DYSF: variants seen among roughly 807,000 people sequenced by gnomAD.
The protein encoded by DYSF is dysferlin, also known as dystrophy-associated fer-1-like 1.
Under a neutral mutation model 274.9 loss-of-function variants are expected in DYSF, and 212 were observed. That is an observed-to-expected ratio of 0.77 (90% CI 0.69 to 0.86). The LOEUF (loss-of-function observed/expected upper bound fraction) is 0.86, where lower values mean the gene tolerates loss of function less well. DYSF is among the 40% of genes least tolerant of loss of function. The probability of loss-of-function intolerance (pLI) is 0.00; values close to 1 mark genes in which losing one functional copy is unlikely to be tolerated. For missense variants in DYSF, 2,666 were observed against 2,783.2 expected (o/e 0.96, Z 0.95); for synonymous variants, 1,091 against 1,078.7 (o/e 1.01, Z -0.22).
At chr2:71,575,725 A>G (rs1207332652) in intron 30 of DYSF, among the ~76,000 whole-genome samples, 1 of 152,122 alleles carries the variant, frequency 6.6e-6, no homozygotes, top group Non-Finnish European at 1.5e-5. Flanking sequence ...CACCCTGTGT[A>G]ATCAGGATCT....
chr2:71,681,777 G>A (rs1246102368), intron 54 of DYSF, among the ~76,000 whole-genome samples: 18 of 152,196 alleles, frequency 1.2e-4, no homozygotes, highest in Non-Finnish European at 1.5e-5. Context: ...GCTGGATCCC[G>A]CCCCACCAGC....
At chr2:71,457,490 G>T (rs2081116128) in intron 1 of DYSF, among the ~76,000 whole-genome samples, 1 of 152,190 alleles carries the variant, frequency 6.6e-6, no homozygotes, top group South Asian at 2.1e-4. Flanking sequence ...AGCAAGAAAA[G>T]GTGGAGGGGC....
chr2:71,667,389 C>G lies in DYSF; in HGVS notation c.5331C>G (p.Ile1777Met). Residue 1777 changes from isoleucine (I) to methionine (M), a missense_variant, in exon 48 of 56, where the codon ATC becomes ATG. Physicochemically the swap from Ile to Met is conservative, Grantham distance 10. Coordinates refer to ENST00000410020, the MANE Select transcript of DYSF (RefSeq NM_001130987.2). Reference sequence around the variant, plus strand: ...TCTCTGGGGCAGAGGCTGGCAGGATCCCAAACCCACACCTGGGCCCAGTGG... The same window carrying G: ...TCTCTGGGGCAGAGGCTGGCAGGATGCCAAACCCACACCTGGGCCCAGTGG... ...YSIEEIEAGR[I>M]PNPHLGPVEE... 6.2e-7 allele frequency: 1 copy of G among 1,614,112 alleles called. No individual in the cohort carries two copies. The highest frequency in any genetic ancestry group is 8.5e-7 in the Non-Finnish European group (1 of 1,180,032).
chr2:71,683,738 C>T (rs986714981), intron 55 of DYSF, among the ~76,000 whole-genome samples: 5 of 152,230 alleles, frequency 3.3e-5, no homozygotes, highest in Non-Finnish European at 5.9e-5. Context: ...GCCACTGGCC[C>T]AGAGCATTGA....
At position 71,466,786 on chromosome 2, in the gene DYSF, C is replaced by T. The variant is rs983378806; in HGVS notation, c.-57C>T. 3 of 1,451,112 alleles carry T rather than the reference C, an allele frequency of 2.1e-6. No individual in the cohort carries two copies. Among genetic ancestry groups the T allele is most frequent in the African/African-American group, 1.5e-5 (1 of 68,910 alleles). The allele number at this position is 1,451,112 out of a possible 1,614,324, so 89.9% of individuals were successfully genotyped here. A position where few individuals can be genotyped will look rare whatever the true frequency, so the allele number is the denominator to read the frequency against. On this transcript the variant is annotated 5_prime_UTR_variant, in exon 1 of 56. Transcript: ENST00000410020. The stretch of plus-strand genomic sequence containing the variant: ...CGCTTGCTGGGTGGGTGCTCGGGCC[C>T]GGTGCTCCCGCTCCCGCCCTGACTG...
At position 71,570,277 on chromosome 2, in the gene DYSF, T is replaced by C. The variant is rs750028300; in HGVS notation, c.3028T>C (p.Trp1010Arg). 1.9e-6 allele frequency: 3 copies of C among 1,614,162 alleles called. No individual in the cohort carries two copies. In the East Asian group the frequency reaches 6.7e-5, roughly 36 times the overall value. Residue 1010 changes from tryptophan (W) to arginine (R), a missense_variant, in exon 28 of 56, where the codon TGG becomes CGG. Coordinates refer to ENST00000410020, the MANE Select transcript of DYSF (RefSeq NM_001130987.2). ...GGATGACATTGAGTGCCCACTGGGCTGGAAGTGGGAAGATGAGGAATGGTC... is the reference window on the plus strand; with the variant it reads ...GGATGACATTGAGTGCCCACTGGGCCGGAAGTGGGAAGATGAGGAATGGTC... ...PKDDIECPLG[W>R]KWEDEEWSTD...
intron 45 of DYSF, among the ~76,000 whole-genome samples, chr2:71,662,545 GTGTGTATATA>G (rs2152946596): frequency 6.6e-6 from 1 of 151,926 alleles, no homozygotes; most frequent in Admixed American, 6.6e-5. Context: ...TCTGTGTGGT[GTGTGTATATA>G]TGTGTGCATG....
At chr2:71,549,510 C>G (rs1010613287) in intron 17 of DYSF, 1 of 989,642 alleles carries the variant, frequency 1.0e-6, no homozygotes, top group African/African-American at 1.6e-5. Flanking sequence ...TGAGATTCCC[C>G]CACAAAGGTA....
chr2:71,503,202 C>T lies in DYSF; in HGVS notation c.240-12C>T. 1 of 1,613,456 alleles carries T rather than the reference C, an allele frequency of 6.2e-7. No individual in the cohort carries two copies. The highest frequency in any genetic ancestry group is 1.1e-5 in the South Asian group (1 of 91,072). On this transcript the variant is annotated splice_polypyrimidine_tract_variant and intron_variant, in intron 3 of 55. Transcript: ENST00000410020. The stretch of plus-strand genomic sequence containing the variant: ...GGCTAGTTTTCTACATTTGACTTCT[C>T]TCTCCTCTCAGGTTCCTGGGGGAAG...
At chr2:71,620,078 C>T (rs2152894101) in intron 40 of DYSF, among the ~76,000 whole-genome samples, 1 of 152,294 alleles carries the variant, frequency 6.6e-6, no homozygotes, top group African/African-American at 2.4e-5. Flanking sequence ...GGAGGGAAGA[C>T]TGAGTAACCT....
intron 53 of DYSF, 33 bp downstream of exon 53, chr2:71,679,268 C>T: frequency 1.3e-6 from 2 of 1,598,248 alleles, no homozygotes; most frequent in Non-Finnish European, 1.7e-6. Flanking sequence ...CAGTGGAGGG[C>T]ATGGGGGAAG....
At chr2:71,650,017 G>A (rs372202001) in intron 42 of DYSF, among the ~76,000 whole-genome samples, 14 of 152,260 alleles carry the variant, frequency 9.2e-5, no homozygotes, top group African/African-American at 2.9e-4. Context: ...ATGCTAAATG[G>A]TACAATTCCA....
At chr2:71,639,571 C>T (rs1280015105) in intron 41 of DYSF, among the ~76,000 whole-genome samples, 10 of 152,106 alleles carry the variant, frequency 6.6e-5, no homozygotes, top group Admixed American at 6.5e-4. Flanking sequence ...TTTCCAGCAT[C>T]ACTTTTTAGG....
rs1487749145 is a variant in DYSF at position 71,569,833 on chromosome 2, A to G, written c.2878A>G (p.Met960Val). The G allele has an allele frequency of 1.9e-6, 3 of 1,613,958 alleles. No homozygotes were observed. Among genetic ancestry groups the G allele is most frequent in the East Asian group, 2.2e-5 (1 of 44,876 alleles). Residue 960 changes from methionine to valine, a missense_variant, in exon 27 of 56, where the codon ATG becomes GTG. By Grantham distance (21) the Met-to-Val change is conservative. This residue lies in a region of DYSF where 412 missense variants were observed against 504.0 expected (regional missense o/e 0.82). Coordinates refer to ENST00000410020, the MANE Select transcript of DYSF (RefSeq NM_001130987.2). The stretch of plus-strand genomic sequence containing the variant: ...CCTCCTCCACAGTCTGCTCCATGAC[A>G]TGGACGCCGGTCACCTGAGCTTCGT... ...VCPEKTLLHDMDAGHLSFVEE... is the reference protein window; with the variant it reads ...VCPEKTLLHDVDAGHLSFVEE...
intron 42 of DYSF, among the ~76,000 whole-genome samples, chr2:71,650,924 A>G (rs2152931090): frequency 6.6e-6 from 1 of 152,312 alleles, no homozygotes; most frequent in Non-Finnish European, 1.5e-5. Context: ...AATTACAAAA[A>G]AGAAAACTAA....
intron 40 of DYSF, among the ~76,000 whole-genome samples, chr2:71,617,930 G>GGTGGTGT (rs1271984239): frequency 2.3e-5 from 2 of 88,234 alleles, no homozygotes; most frequent in East Asian, 4.2e-4. Context: ...GTGTGGTAGA[G>GGTGGTGT]GTGTGTGTGT....
intron 41 of DYSF, among the ~76,000 whole-genome samples, chr2:71,629,430 G>T (rs1383246511): frequency 6.6e-5 from 10 of 152,050 alleles, no homozygotes; most frequent in African/African-American, 2.4e-4. Context: ...TCTGCAATTG[G>T]TTGGCTCTAG....
At chr2:71,600,981 C>A in intron 34 of DYSF, 139 bp downstream of exon 34, 1 of 1,098,136 alleles carries the variant, frequency 9.1e-7, no homozygotes, top group Non-Finnish European at 1.3e-6. Flanking sequence ...AGTCAGGACA[C>A]CATCTAACAT....
chr2:71,515,658 G>A lies in DYSF; in HGVS notation c.795G>A (p.Pro265=), dbSNP rs751967195. The change falls in exon 8 of 56, where the codon CCG becomes CCA. Residue 265 remains proline, a synonymous_variant. Coordinates refer to ENST00000410020, the MANE Select transcript of DYSF (RefSeq NM_001130987.2). ...RVQVIEGRQL[P]GVNIKPVVKV... ...AGGTGATCGAGGGGCGCCAGCTGCC[G>A]GGGGTGAACATCAAGCCTGTGGTCA... 25 of 1,613,960 alleles carry A rather than the reference G, an allele frequency of 1.5e-5. No individual in the cohort carries two copies. The highest frequency in any genetic ancestry group is 3.3e-5 in the South Asian group (3 of 91,064).
Sources: allele counts gnomAD v4.1 joint callset (sites outside exome capture counted in the v4.1 genomes callset), GRCh38; gene constraint gnomAD v4.1.1; regional missense constraint gnomAD v4.1.1; transcripts MANE v1.5; gene names NCBI Gene and HGNC (gene_info 2026-07-23, HGNC 2026-07-21).